The following DENND1A variants were observed in gnomAD, a reference collection of about 807,000 sequenced individuals.
DENND1A encodes DENN domain containing 1A, also known as DENN domain-containing protein 1A.
DENND1A carries 51 observed loss-of-function variants against 113.7 expected under a neutral mutation model. That is an observed-to-expected ratio of 0.45 (90% CI 0.36 to 0.57). The LOEUF (loss-of-function observed/expected upper bound fraction) is 0.57. Ranked by LOEUF, DENND1A falls within the 20% of genes least tolerant of loss-of-function variation. The pLI, the probability that DENND1A is intolerant of heterozygous loss-of-function variation, is 0.00. For missense variants in DENND1A, 1,258 were observed against 1,395.9 expected (o/e 0.90, Z 1.57); for synonymous variants, 565 against 570.8 (o/e 0.99, Z 0.14).
chr9:123,497,526 T>C (rs1472546169), intron 13 of DENND1A, among the ~76,000 whole-genome samples: 2 of 152,214 alleles, frequency 1.3e-5, no homozygotes, highest in Non-Finnish European at 1.5e-5. Context: ...TCTCACTATA[T>C]TGACCACGCT....
At chr9:123,901,801 G>A (rs765946805) in intron 1 of DENND1A, among the ~76,000 whole-genome samples, 8 of 151,990 alleles carry the variant, frequency 5.3e-5, no homozygotes, top group South Asian at 4.1e-4. Flanking sequence ...TCAGAAGATC[G>A]AGACCATCCT....
intron 9 of DENND1A, among the ~76,000 whole-genome samples, chr9:123,647,418 G>A (rs763500412): frequency 1.1e-4 from 17 of 152,156 alleles, no homozygotes; most frequent in Admixed American, 2.0e-4. Context: ...CTGCAAAGGC[G>A]TATTTATTAT....
intron 1 of DENND1A, among the ~76,000 whole-genome samples, chr9:123,882,834 G>T (rs1156827650): frequency 6.6e-6 from 1 of 152,174 alleles, no homozygotes; most frequent in South Asian, 2.1e-4. Flanking sequence ...CCTTTGAACT[G>T]TACACTTGAA....
At chr9:123,657,006 C>T (rs2062983656) in intron 8 of DENND1A, among the ~76,000 whole-genome samples, 2 of 152,232 alleles carry the variant, frequency 1.3e-5, no homozygotes, top group Admixed American at 6.5e-5. Context: ...TCTGGCCACA[C>T]TCTCTAGGGC....
chr9:123,740,776 A>G (rs2068942229), intron 5 of DENND1A, among the ~76,000 whole-genome samples: 2 of 152,154 alleles, frequency 1.3e-5, no homozygotes, highest in African/African-American at 4.8e-5. Context: ...CAGAATTTGA[A>G]TCTAGGTCTC....
At chr9:123,443,012 T>C (rs2047042601) in intron 18 of DENND1A, among the ~76,000 whole-genome samples, 1 of 152,222 alleles carries the variant, frequency 6.6e-6, no homozygotes, top group South Asian at 2.1e-4. Flanking sequence ...CCTACCCCTG[T>C]GCTTTTCCAG....
chr9:123,711,505 GTATATATGTATATATA>G (rs2066607521), intron 5 of DENND1A, among the ~76,000 whole-genome samples: 1 of 62,558 alleles, frequency 1.6e-5, no homozygotes, highest in Non-Finnish European at 2.7e-5. Flanking sequence ...ATATATATAT[GTATATATGTATATATA>G]TATATATATA....
In DENND1A at chr9:123,759,333, T is replaced by A. The variant is rs540374700; in HGVS notation, c.183-1511A>T. The A allele has an allele frequency of 2.0e-5, 3 of 152,552 alleles. No homozygotes were observed. The East Asian group carries it at 5.8e-4, about 29-fold the overall frequency. 9.4% of individuals were successfully genotyped at this position (152,552 alleles called of 1,614,324 possible). A position where few individuals can be genotyped will look rare whatever the true frequency, so the allele number is the denominator to read the frequency against. Reference sequence around the variant, plus strand: ...AGAGTCATTAAGAAATCGTGGGTACTCTTCTAGGAGTTGATGACTTTGTCA... The same window carrying A: ...AGAGTCATTAAGAAATCGTGGGTACACTTCTAGGAGTTGATGACTTTGTCA... On this transcript the variant is annotated intron_variant, in intron 4 of 23. Coordinates refer to ENST00000394215, the MANE Select transcript of DENND1A (RefSeq NM_001352964.2).
Position 123,779,999 on chromosome 9 carries a change from G to A in DENND1A, c.133-10436C>T, listed in dbSNP as rs1279176951. Among the ~76,000 whole-genome samples, 5 of 151,674 alleles carry A rather than the reference G, an allele frequency of 3.3e-5. No individual in the cohort carries two copies. The South Asian group carries it at 1.0e-3, about 32-fold the overall frequency. ...CTCCTGAGTAGCTGGGATTACAGGC[G>A]CCCCCCCACCACGCCAGCTAATTTT... On this transcript the variant is annotated intron_variant, in intron 3 of 23. Transcript: ENST00000394215.
At chr9:123,384,840 C>T (rs530376388) in intron 22 of DENND1A, among the ~76,000 whole-genome samples, 9 of 152,132 alleles carry the variant, frequency 5.9e-5, no homozygotes, top group Admixed American at 3.9e-4. Context: ...CTCAGCTACT[C>T]GGGTGGCTGA....
rs752557453 is a variant in DENND1A at position 123,403,422 on chromosome 9, C to T, written c.1611G>A (p.Thr537=). The T allele has an allele frequency of 1.1e-5, 18 of 1,614,006 alleles. No individual in the cohort carries two copies. The Admixed American group carries it at 2.3e-4, about 21-fold the overall frequency. ...CTCACTGCTCAGGGCTCGGCACAGA[C>T]GTCCTCCGGCCTTCCACTGCGATGT... ...KSNIAVEGRR[T]SVPSPEHLVK... The change falls in exon 21 of 24, where the codon ACG becomes ACA. Residue 537 remains threonine, a synonymous_variant. Coordinates refer to ENST00000394215, the MANE Select transcript of DENND1A (RefSeq NM_001352964.2).
At chr9:123,788,922 T>TA (rs1346145722) in intron 3 of DENND1A, among the ~76,000 whole-genome samples, 1 of 152,068 alleles carries the variant, frequency 6.6e-6, no homozygotes, top group Non-Finnish European at 1.5e-5. Context: ...AAGCTGTTAT[T>TA]AAAATTTTTC....
rs576445016 is a variant in DENND1A, at chr9:123,900,596, C to T, written c.18-21575G>A. ...TGATTAAGGTGAGAGGTGAGGGGTG[C>T]TATCAATGAGGCTGCGGTCAGACTA... On this transcript the variant is annotated intron_variant, in intron 1 of 23. Transcript: ENST00000394215. Among the ~76,000 whole-genome samples, 3 of 152,282 alleles carry T rather than the reference C, an allele frequency of 2.0e-5. No homozygotes were observed. The East Asian group carries it at 5.8e-4, about 29-fold the overall frequency.
At chr9:123,890,920 G>A (rs1438150888) in intron 1 of DENND1A, among the ~76,000 whole-genome samples, 1 of 151,884 alleles carries the variant, frequency 6.6e-6, no homozygotes, top group Non-Finnish European at 1.5e-5. Flanking sequence ...AAGGAACTTG[G>A]GCAACTGCAT....
At chr9:123,651,989 C>T (rs759311740) in intron 9 of DENND1A, 24 bp downstream of exon 9, 8 of 1,568,668 alleles carry the variant, frequency 5.1e-6, no homozygotes, top group Non-Finnish European at 7.0e-6. Context: ...CATTAAAAAG[C>T]CAGTCTTAAG....
intron 10 of DENND1A, among the ~76,000 whole-genome samples, chr9:123,628,436 C>A (rs886200308): frequency 5.3e-5 from 8 of 151,924 alleles, no homozygotes; most frequent in Admixed American, 4.6e-4. Context: ...GAAGGAGCAG[C>A]CTCACTAGGG....
At position 123,652,122 on chromosome 9, in the gene DENND1A, C is replaced by A. The variant is rs761379995; in HGVS notation, c.509G>T (p.Arg170Ile). ...TRELPSIPEN[R>I]NLTEYFVAVD... ...AGCCACAAAATATTCTGTCAGATTT[C>A]TCTAGGAGAAAGAAGAAGGCACGGT... Residue 170 changes from arginine to isoleucine, a missense_variant and splice_region_variant, in exon 9 of 24, where the codon AGA becomes ATA. Transcript: ENST00000394215. 2 of 1,614,004 alleles carry A rather than the reference C, an allele frequency of 1.2e-6. No homozygotes were observed. The highest frequency in any genetic ancestry group is 1.7e-6 in the Non-Finnish European group (2 of 1,179,928).
rs147933727 is a variant in DENND1A, at chr9:123,435,151, A to G, written c.1488+5209T>C. Among the ~76,000 whole-genome samples, 11 of 152,242 alleles carry G rather than the reference A, an allele frequency of 7.2e-5. No homozygotes were observed. The East Asian group carries it at 2.1e-3, about 29-fold the overall frequency. The stretch of plus-strand genomic sequence containing the variant: ...TGCAGTATCCTGAGAACATGGGAGC[A>G]CCTGCTGGAGGTGGTGAGGAGGCAA... On this transcript the variant is annotated intron_variant, in intron 19 of 23. Coordinates refer to ENST00000394215, the MANE Select transcript of DENND1A (RefSeq NM_001352964.2).
chr9:123,817,858 C>G (rs892605977), intron 2 of DENND1A, among the ~76,000 whole-genome samples: 2 of 151,808 alleles, frequency 1.3e-5, no homozygotes, highest in African/African-American at 4.8e-5. Context: ...GAAACCTCCT[C>G]TATACTAAAA....
Sources: gnomAD v4.1 joint callset for allele counts (sites outside exome capture counted in the v4.1 genomes callset) on GRCh38, gnomAD v4.1.1 for gene constraint, MANE v1.5 for transcripts, NCBI Gene and HGNC (gene_info 2026-07-23, HGNC 2026-07-21) for gene names.